EPHB1: variants seen among roughly 807,000 people sequenced by gnomAD.
EPHB1 encodes the protein ephrin type-B receptor 1.
A neutral mutation model predicts 94.4 loss-of-function variants in EPHB1; 30 were observed. The observed-to-expected ratio is 0.32, with a 90% confidence interval of 0.24 to 0.43. EPHB1 has a LOEUF of 0.43. EPHB1 is among the 20% of genes least tolerant of loss of function. The pLI is 1.00. For synonymous variants in EPHB1, 522 were observed against 489.1 expected (o/e 1.07, Z -0.89); for missense variants, 1,055 against 1,308.3 (o/e 0.81, Z 2.99).
intron 1 of EPHB1, among the ~76,000 whole-genome samples, chr3:134,814,739 T>G (rs2036237185): frequency 6.6e-6 from 1 of 152,218 alleles, no homozygotes; most frequent in Admixed American, 6.5e-5. Flanking sequence ...TGCATCTTGT[T>G]GCGTCCCAAG....
At chr3:134,876,272 G>A (rs2037614648) in intron 1 of EPHB1, among the ~76,000 whole-genome samples, 2 of 152,110 alleles carry the variant, frequency 1.3e-5, no homozygotes, top group African/African-American at 4.8e-5. Context: ...ATCTTTACCT[G>A]CACATCTCCA....
At chr3:135,257,307 T>C (rs1403207829) in intron 15 of EPHB1, among the ~76,000 whole-genome samples, 1 of 152,222 alleles carries the variant, frequency 6.6e-6, no homozygotes, top group Non-Finnish European at 1.5e-5. Flanking sequence ...TTTTTAAAGT[T>C]TCCACCTTTT....
chr3:135,138,626 C>T (rs890760383), intron 5 of EPHB1, among the ~76,000 whole-genome samples: 7 of 152,080 alleles, frequency 4.6e-5, no homozygotes, highest in Non-Finnish European at 8.8e-5. Flanking sequence ...TGGAAATTAG[C>T]AGGCAAAATT....
chr3:134,995,799 T>A (rs1459606983), intron 3 of EPHB1, among the ~76,000 whole-genome samples: 1 of 152,246 alleles, frequency 6.6e-6, no homozygotes, highest in African/African-American at 2.4e-5. Flanking sequence ...TTGATAATTT[T>A]AATTGTATTT....
intron 9 of EPHB1, among the ~76,000 whole-genome samples, chr3:135,172,489 G>A (rs929113340): frequency 1.3e-5 from 2 of 152,206 alleles, no homozygotes; most frequent in African/African-American, 4.8e-5. Flanking sequence ...CTTTAGACAG[G>A]ATATTGGACA....
At chr3:135,196,386 G>A (rs1369983101) in intron 11 of EPHB1, among the ~76,000 whole-genome samples, 3 of 152,046 alleles carry the variant, frequency 2.0e-5, no homozygotes, top group Non-Finnish European at 4.4e-5. Context: ...AGAAAACCTG[G>A]GGGCATGAGA....
chr3:134,975,515 C>G (rs935422013), intron 3 of EPHB1, among the ~76,000 whole-genome samples: 13 of 152,110 alleles, frequency 8.5e-5, no homozygotes, highest in African/African-American at 3.1e-4. Flanking sequence ...TCAGAGACAG[C>G]CTCCCAGGAC....
chr3:135,218,547 C>G (rs995224534), intron 12 of EPHB1, among the ~76,000 whole-genome samples: 1 of 152,226 alleles, frequency 6.6e-6, no homozygotes, highest in Non-Finnish European at 1.5e-5. Flanking sequence ...ACACATCTCT[C>G]CATTCTGGGC....
intron 1 of EPHB1, among the ~76,000 whole-genome samples, chr3:134,822,836 G>C (rs1161345217): frequency 6.6e-6 from 1 of 152,174 alleles, no homozygotes; most frequent in East Asian, 1.9e-4. Flanking sequence ...TGGGAGTTGG[G>C]GTAGCAGATT....
intron 12 of EPHB1, among the ~76,000 whole-genome samples, chr3:135,223,595 A>G (rs1422636378): frequency 6.6e-6 from 1 of 152,222 alleles, no homozygotes. Flanking sequence ...TTCCAAAGCT[A>G]GGAGATTGTC....
At chr3:134,812,238 C>T (rs774290338) in intron 1 of EPHB1, among the ~76,000 whole-genome samples, 35 of 152,318 alleles carry the variant, frequency 2.3e-4, no homozygotes, top group African/African-American at 7.5e-4. Flanking sequence ...TGATGTAGAT[C>T]GTTCTCATCA....
chr3:134,890,975 T>C lies in EPHB1; in HGVS notation c.59-34841T>C, dbSNP rs1319583988. ...TGTCTTGGCTTTGTCACATGTATGA[T>C]CATATTACCTACTAATGTTGACCAT... On this transcript the variant is annotated intron_variant, in intron 1 of 15. Coordinates refer to ENST00000398015, the MANE Select transcript of EPHB1 (RefSeq NM_004441.5). Among the ~76,000 whole-genome samples, 4 of 152,356 alleles carry C rather than the reference T, an allele frequency of 2.6e-5. No homozygotes were observed. The East Asian group carries it at 5.8e-4, about 22-fold the overall frequency.
intron 1 of EPHB1, among the ~76,000 whole-genome samples, chr3:134,919,734 C>T (rs960944220): frequency 3.3e-5 from 5 of 152,196 alleles, no homozygotes; most frequent in South Asian, 2.1e-4. Flanking sequence ...GGAAGGCAGA[C>T]GACCCAGCCA....
chr3:134,844,420 T>C (rs1328762673), intron 1 of EPHB1, among the ~76,000 whole-genome samples: 2 of 152,236 alleles, frequency 1.3e-5, no homozygotes, highest in Non-Finnish European at 2.9e-5. Context: ...TGTGGCTATG[T>C]TGGCTCCTCT....
intron 5 of EPHB1, among the ~76,000 whole-genome samples, chr3:135,153,897 A>C (rs1196584825): frequency 6.6e-6 from 1 of 152,160 alleles, no homozygotes; most frequent in Non-Finnish European, 1.5e-5. Context: ...CACCTCTGAA[A>C]GTCCCATGTC....
At chr3:135,232,684 A>ACCC (rs1241960907) in intron 12 of EPHB1, among the ~76,000 whole-genome samples, 1 of 152,212 alleles carries the variant, frequency 6.6e-6, no homozygotes, top group African/African-American at 2.4e-5. Context: ...TATTTGCTGT[A>ACCC]TTAGTCTGTT....
intron 1 of EPHB1, among the ~76,000 whole-genome samples, chr3:134,906,522 A>G (rs2038333863): frequency 6.6e-6 from 1 of 152,188 alleles, no homozygotes; most frequent in African/African-American, 2.4e-5. Context: ...CACTGATCAA[A>G]TTCTTCTAGC....
At chr3:135,097,925 T>A (rs1339985417) in intron 3 of EPHB1, among the ~76,000 whole-genome samples, 1 of 152,172 alleles carries the variant, frequency 6.6e-6, no homozygotes, top group East Asian at 1.9e-4. Flanking sequence ...CTAGGGATGG[T>A]CTTGGTGCAA....
chr3:134,991,865 T>C (rs1271679531), intron 3 of EPHB1, among the ~76,000 whole-genome samples: 1 of 152,188 alleles, frequency 6.6e-6, no homozygotes, highest in East Asian at 1.9e-4. Flanking sequence ...GTCCCTGTTA[T>C]TTGCATGCAC....
Sources: allele counts gnomAD v4.1 joint callset (sites outside exome capture counted in the v4.1 genomes callset), GRCh38; gene constraint gnomAD v4.1.1; transcripts MANE v1.5; gene names NCBI Gene and HGNC (gene_info 2026-07-23, HGNC 2026-07-21).